The following NSUN4 variants were observed in gnomAD, a reference collection of about 807,000 sequenced individuals.
NSUN4 encodes the protein 5-cytosine rRNA methyltransferase NSUN4.
NSUN4 carries 31 observed loss-of-function variants against 43.8 expected under a neutral mutation model. That is an observed-to-expected ratio of 0.71 (90% CI 0.53 to 0.96). The LOEUF (loss-of-function observed/expected upper bound fraction) is 0.96, where lower values mean the gene tolerates loss of function less well. Among genes scored for constraint, NSUN4 ranks in the 40% least tolerant of loss-of-function variants. NSUN4 has a pLI of 0.00. For synonymous variants in NSUN4, 167 were observed against 184.1 expected (o/e 0.91, Z 0.75); for missense variants, 439 against 475.6 (o/e 0.92, Z 0.72).
the NSUN4 span, among the ~76,000 whole-genome samples, chr1:46,374,311 A>AAAAAAAG: frequency 6.6e-6 from 1 of 150,670 alleles, no homozygotes; most frequent in Non-Finnish European, 1.5e-5. Flanking sequence ...AAAAAAAAAA[A>AAAAAAAG]AATAGAGATC....
intron 1 of NSUN4, chr1:46,342,411 TCCTCAGAGG>T (rs1662178566): frequency 2.5e-6 from 1 of 398,928 alleles, no homozygotes. Flanking sequence ...CTCCCATCTT[TCCTCAGAGG>T]CCTACATACC....
At chr1:46,348,808 G>GTTTTTTTTT (rs869234807) in intron 3 of NSUN4, among the ~76,000 whole-genome samples, 3 of 77,868 alleles carry the variant, frequency 3.9e-5, no homozygotes, top group Admixed American at 1.9e-4. Context: ...CTTGTGCACT[G>GTTTTTTTTT]TTTTTTTTTT....
At chr1:46,349,960 C>T (rs951477913) in intron 3 of NSUN4, among the ~76,000 whole-genome samples, 2 of 152,198 alleles carry the variant, frequency 1.3e-5, no homozygotes, top group Non-Finnish European at 2.9e-5. Flanking sequence ...ACTATCAGCA[C>T]CTCACCTTCA....
chr1:46,350,219 C>A (rs964032169), intron 3 of NSUN4, among the ~76,000 whole-genome samples: 1 of 152,196 alleles, frequency 6.6e-6, no homozygotes, highest in African/African-American at 2.4e-5. Flanking sequence ...ATTTTTACTT[C>A]TTTGAGTGCC....
At position 46,360,719 on chromosome 1, in the gene NSUN4, C is replaced by A; in HGVS notation, c.769C>A (p.Pro257Thr). 2 of 1,613,924 alleles carry A rather than the reference C, an allele frequency of 1.2e-6. No individual in the cohort carries two copies. The highest frequency in any genetic ancestry group is 1.7e-6 in the Non-Finnish European group (2 of 1,179,840). Reference protein sequence around the residue: ...DTYDRVLVDVPCTTDRHSLHE... With the variant: ...DTYDRVLVDVTCTTDRHSLHE... The stretch of plus-strand genomic sequence containing the variant: ...CTCTGGGTAGGTGCTGGTGGATGTG[C>A]CCTGTACCACAGACCGCCACTCCCT... The change falls in exon 5 of 6, where the codon CCC becomes ACC. Residue 257 changes from proline to threonine, a missense_variant. By Grantham distance (38) the Pro-to-Thr change is conservative (BLOSUM62 -1). Coordinates refer to ENST00000474844, the MANE Select transcript of NSUN4 (RefSeq NM_199044.4).
chr1:46,346,842 G>A, intron 2 of NSUN4, 79 bp from the exon 3 acceptor site: 2 of 1,183,026 alleles, frequency 1.7e-6, no homozygotes, highest in South Asian at 2.8e-5. Flanking sequence ...AGCCCCAGAG[G>A]GCATAGACTT....
intron 4 of NSUN4, among the ~76,000 whole-genome samples, chr1:46,354,716 G>A (rs865871894): frequency 1.3e-5 from 2 of 151,526 alleles, no homozygotes; most frequent in Middle Eastern, 3.2e-3. Flanking sequence ...GTGCAGTGGC[G>A]CAATCTTGGC....
rs1346740291 is a variant in NSUN4 at position 46,360,248 on chromosome 1, AAATATATATAT to A, written c.754-454_754-444del. Among the ~76,000 whole-genome samples, 53 of 22,416 alleles carry A rather than the reference AAATATATATAT, an allele frequency of 2.4e-3. 1 individual carries two copies. In the East Asian group the frequency reaches 0.036, roughly 15 times the overall value. 14.7% of individuals were successfully genotyped at this position (22,416 alleles called of 152,430 possible). A position where few individuals can be genotyped will look rare whatever the true frequency, so the allele number is the denominator to read the frequency against. ...CATCTCAAAAAAAAAAAAAAAAAAA[AAATATATATAT>A]ATATATATATATATATATGTAAATT... On this transcript the variant is annotated intron_variant, in intron 4 of 5. Coordinates refer to ENST00000474844, the MANE Select transcript of NSUN4 (RefSeq NM_199044.4).
the NSUN4 span, among the ~76,000 whole-genome samples, chr1:46,375,379 G>A: frequency 6.7e-6 from 1 of 148,420 alleles, no homozygotes; most frequent in Non-Finnish European, 1.5e-5. Flanking sequence ...AGGTTGCAAT[G>A]AACCAAGATC....
At position 46,361,550 on chromosome 1, in the gene NSUN4, C is replaced by T; in HGVS notation, c.879-20C>T. The T allele has an allele frequency of 6.2e-7, 1 of 1,610,068 alleles. No individual in the cohort carries two copies. Among genetic ancestry groups the T allele is most frequent in the Non-Finnish European group, 8.5e-7 (1 of 1,177,460 alleles). Reference sequence around the variant, plus strand: ...CTGGGAAGCTCACTAGTAACTGCTTCTGTCTCTTTCTGGTTTCAGGGCTGG... The same window carrying T: ...CTGGGAAGCTCACTAGTAACTGCTTTTGTCTCTTTCTGGTTTCAGGGCTGG... On this transcript the variant is annotated intron_variant, in intron 5 of 5. Transcript: ENST00000474844.
At chr1:46,369,511 A>C (rs992996572), downstream of NSUN4, among the ~76,000 whole-genome samples, 6 of 152,230 alleles carry the variant, frequency 3.9e-5, no homozygotes, top group Non-Finnish European at 8.8e-5. Flanking sequence ...GTAAATTATG[A>C]GTGAGCCAAG....
the NSUN4 span, among the ~76,000 whole-genome samples, chr1:46,377,103 G>A: frequency 6.6e-6 from 1 of 151,676 alleles, no homozygotes; most frequent in African/African-American, 2.4e-5. Context: ...AGGCTGGAGT[G>A]TAGTGGCGTG....
downstream of NSUN4, among the ~76,000 whole-genome samples, chr1:46,367,309 A>G (rs1664159075): frequency 6.6e-6 from 1 of 152,180 alleles, no homozygotes; most frequent in Non-Finnish European, 1.5e-5. Flanking sequence ...AGTAATCACT[A>G]CTGTATATCG....
chr1:46,365,213 GACATACC>G (rs1664104803), downstream of NSUN4: 1 of 152,174 alleles, frequency 6.6e-6, no homozygotes, highest in Admixed American at 6.5e-5. Context: ...CCATGGTGCA[GACATACC>G]ACCATGTTGT....
At chr1:46,347,162 G>A (rs779759630) in intron 3 of NSUN4, 87 bp downstream of exon 3, 2 of 1,382,832 alleles carry the variant, frequency 1.4e-6, no homozygotes, top group Non-Finnish European at 2.0e-6. Context: ...GTTCGGCCAG[G>A]CGCAGTGGCT....
At chr1:46,377,040 G>A in the NSUN4 span, among the ~76,000 whole-genome samples, 5 of 150,892 alleles carry the variant, frequency 3.3e-5, no homozygotes, top group Admixed American at 2.0e-4. Flanking sequence ...TTACAGGTGC[G>A]AGCCACTGCA....
intron 3 of NSUN4, among the ~76,000 whole-genome samples, chr1:46,350,783 C>A (rs923868793): frequency 1.3e-5 from 2 of 152,090 alleles, no homozygotes; most frequent in African/African-American, 4.8e-5. Context: ...TCCCTTTTTC[C>A]TTTTGCAACG....
the NSUN4 span, among the ~76,000 whole-genome samples, chr1:46,376,744 G>A: frequency 5.1e-5 from 7 of 137,930 alleles, no homozygotes; most frequent in East Asian, 6.5e-4. Flanking sequence ...GTGTGTGTGT[G>A]TATAGAAACA....
rs1234034963 is a variant in NSUN4, at chr1:46,364,840, T to C, written c.*2994T>C. On this transcript the variant is annotated 3_prime_UTR_variant, in exon 6 of 6. Coordinates refer to ENST00000474844, the MANE Select transcript of NSUN4 (RefSeq NM_199044.4). ...GATTTGAGCTCTTCCAAAACCAGGA[T>C]GGATGCCTCACATAGATCATGATGA... is the stretch of plus-strand genomic sequence containing the variant. The C allele has an allele frequency of 6.6e-6, 1 of 152,212 alleles. No homozygotes were observed. The highest frequency in any genetic ancestry group is 1.9e-4 in the East Asian group (1 of 5,206). 9.4% of individuals were successfully genotyped at this position (152,212 alleles called of 1,614,324 possible).
Sources: gnomAD v4.1 joint callset for allele counts (sites outside exome capture counted in the v4.1 genomes callset) on GRCh38, gnomAD v4.1.1 for gene constraint, MANE v1.5 for transcripts, NCBI Gene and HGNC (gene_info 2026-07-23, HGNC 2026-07-21) for gene names.